Variants in BTN3A1 observed in about 807,000 individuals in gnomAD.
BTN3A1 encodes the protein dJ45P21.3 (butyrophilin, subfamily 3, member A1).
A neutral mutation model predicts 43.0 loss-of-function variants in BTN3A1; 24 were observed. The observed-to-expected ratio is 0.56, with a 90% CI of 0.40 to 0.78. The LOEUF (loss-of-function observed/expected upper bound fraction) is 0.78. Among genes scored for constraint, BTN3A1 ranks in the 30% least tolerant of loss-of-function variants. BTN3A1 has a pLI of 0.00. For missense variants in BTN3A1, 533 were observed against 626.2 expected (o/e 0.85, Z 1.59); for synonymous variants, 181 against 234.7 (o/e 0.77, Z 2.09).
In BTN3A1 at chr6:26,413,759, C is replaced by CG; in HGVS notation, c.*70dup. 4 of 1,604,674 alleles carry CG rather than the reference C, an allele frequency of 2.5e-6. No individual in the cohort carries two copies. The highest frequency in any genetic ancestry group is 3.4e-6 in the Non-Finnish European group (4 of 1,179,822). The stretch of plus-strand genomic sequence containing the variant: ...CATTCCCTAGAGACACCAGTAACCC[C>CG]GGGCTTAGCTAACGAAAGTGGGGAG... On this transcript the variant is annotated 3_prime_UTR_variant, in exon 10 of 10. Transcript: ENST00000289361.
intron 1 of BTN3A1, chr6:26,403,988 A>G (rs1442989180): frequency 1.3e-5 from 2 of 152,236 alleles, no homozygotes; most frequent in Admixed American, 6.5e-5. Flanking sequence ...TAGCAACATA[A>G]AGAGCAGTTT....
chr6:26,411,143 A>G lies in BTN3A1; in HGVS notation c.991+8A>G. On this transcript the variant is annotated splice_region_variant and intron_variant, in intron 8 of 9. Coordinates refer to ENST00000289361, the MANE Select transcript of BTN3A1 (RefSeq NM_007048.6). ...GACATTCAGCCTATAATGGTGAGTG[A>G]ACCTGATGCTCTCTGAGTTTGCTGG... 1 of 1,609,058 alleles carries G rather than the reference A, an allele frequency of 6.2e-7. No individual in the cohort carries two copies. Among genetic ancestry groups the G allele is most frequent in the Non-Finnish European group, 8.5e-7 (1 of 1,178,158 alleles).
Position 26,413,654 on chromosome 6 carries a change from A to C in BTN3A1, c.1504A>C (p.Thr502Pro). 1 of 1,613,532 alleles carries C rather than the reference A, an allele frequency of 6.2e-7. No individual in the cohort carries two copies. Residue 502 changes from threonine to proline, a missense_variant, in exon 10 of 10, where the codon ACC becomes CCC. Physicochemically the swap from Thr to Pro is conservative, Grantham distance 38. Around this residue, in one of 4 missense-constraint regions of BTN3A1, gnomAD observed 415 missense variants for 427.0 expected, o/e 0.97. Coordinates refer to ENST00000289361, the MANE Select transcript of BTN3A1 (RefSeq NM_007048.6). ...TCTATATCCTGTTTTCAGAATTTTGACCTTGGAGCCCACGGCCCTGACTAT... is the reference window on the plus strand; with the variant it reads ...TCTATATCCTGTTTTCAGAATTTTGCCCTTGGAGCCCACGGCCCTGACTAT... ...EALYPVFRILTLEPTALTICP... is the reference protein window; with the variant it reads ...EALYPVFRILPLEPTALTICP...
intron 4 of BTN3A1, among the ~76,000 whole-genome samples, 197 bp downstream of exon 4, chr6:26,408,149 A>G (rs902218990): frequency 6.6e-6 from 1 of 152,142 alleles, no homozygotes; most frequent in African/African-American, 2.4e-5. Context: ...TTTACTGAAC[A>G]TTTCCTGTCT....
rs1170183887 is a variant in BTN3A1 at position 26,411,000 on chromosome 6, TAAAAAAA to T, written c.965-92_965-86del. On this transcript the variant is annotated intron_variant, in intron 7 of 9. Transcript: ENST00000289361. Reference sequence around the variant, plus strand: ...CTGCAGAGGAGGAAGATACAGGTGGTAAAAAAAAAAAAAAAAAAAAAAAGATTAGATG... The same window carrying T: ...CTGCAGAGGAGGAAGATACAGGTGGTAAAAAAAAAAAAAAAAGATTAGATG... 5.4e-4 allele frequency: 195 copies of T among 359,442 alleles called. 1 individual carries two copies. Among genetic ancestry groups the T allele is most frequent in the South Asian group, 2.2e-3 (48 of 21,414 alleles). 22.3% of individuals were successfully genotyped at this position (359,442 alleles called of 1,614,324 possible). A position where few individuals can be genotyped will look rare whatever the true frequency, so the allele number is the denominator to read the frequency against.
chr6:26,405,458 T>G lies in BTN3A1; in HGVS notation c.-106T>G. ...AAAGATCTTCTTCGGTCACCATACT[T>G]GAGTTAGCTCTAGGGAAGTGGAGGT... On this transcript the variant is annotated 5_prime_UTR_variant, in exon 2 of 10. An upstream open reading frame in the 5' UTR loses its in-frame stop. Coordinates refer to ENST00000289361, the MANE Select transcript of BTN3A1 (RefSeq NM_007048.6). The G allele has an allele frequency of 2.8e-5, 31 of 1,104,696 alleles. No individual in the cohort carries two copies. Among genetic ancestry groups the G allele is most frequent in the East Asian group, 1.2e-4 (5 of 42,022 alleles). 68.4% of individuals were successfully genotyped at this position (1,104,696 alleles called of 1,614,324 possible). A position where few individuals can be genotyped will look rare whatever the true frequency, so the allele number is the denominator to read the frequency against.
Position 26,409,925 on chromosome 6 carries a change from A to G in BTN3A1, c.937+11A>G, listed in dbSNP as rs1762152517. 6.2e-7 allele frequency: 1 copy of G among 1,614,158 alleles called. No homozygotes were observed. Among genetic ancestry groups the G allele is most frequent in the Non-Finnish European group, 8.5e-7 (1 of 1,180,024 alleles). On this transcript the variant is annotated intron_variant, in intron 6 of 9. Transcript: ENST00000289361. ...TCCTGGAGGAACTCAGTAAGTTCCC[A>G]TTCCCCCAGAGACCCAGGCATGTCT...
intron 9 of BTN3A1, chr6:26,412,426 C>A: frequency 7.9e-7 from 1 of 1,268,712 alleles, no homozygotes; most frequent in African/African-American, 1.5e-5. Flanking sequence ...TCCCATTGGC[C>A]AAACCCAACA....
intron 9 of BTN3A1, chr6:26,412,765 A>T (rs773139244): frequency 3.9e-6 from 6 of 1,551,524 alleles, no homozygotes; most frequent in Non-Finnish European, 5.2e-6. Context: ...ATGGAAAAAT[A>T]GACTGCAGAA....
intron 1 of BTN3A1, 160 bp from the exon 2 acceptor site, chr6:26,405,212 G>A: frequency 6.3e-6 from 2 of 315,056 alleles, no homozygotes; most frequent in South Asian, 4.0e-5. Flanking sequence ...AGGGAGCCCA[G>A]TGAAGAGTGT....
intron 3 of BTN3A1, 52 bp from the exon 4 acceptor site, chr6:26,407,619 C>A: frequency 6.3e-7 from 1 of 1,575,294 alleles, no homozygotes; most frequent in Non-Finnish European, 8.7e-7. Flanking sequence ...CCTTTTGAGA[C>A]CCTCTCTGAT....
chr6:26,406,309 A>G (rs1247617854), intron 3 of BTN3A1, 53 bp downstream of exon 3: 11 of 763,534 alleles, frequency 1.4e-5, no homozygotes, highest in Non-Finnish European at 2.3e-5. Context: ...TCTAGAGCAG[A>G]TGCAGAGTCC....
chr6:26,403,110 G>T lies in BTN3A1; in HGVS notation c.-193+698G>T, dbSNP rs181040280. On this transcript the variant is annotated intron_variant, in intron 1 of 9. Coordinates refer to ENST00000289361, the MANE Select transcript of BTN3A1 (RefSeq NM_007048.6). The stretch of plus-strand genomic sequence containing the variant: ...AGATGCAGTCTTGCTCTATCACCCA[G>T]GCTGGAGTGCAGTGGCATGTTCTCG... Among the ~76,000 whole-genome samples the T allele has an allele frequency of 2.0e-3, 310 of 152,272 alleles. 1 individual carries two copies. Among genetic ancestry groups the T allele is most frequent in the African/African-American group, 7.0e-3 (291 of 41,550 alleles).
chr6:26,406,551 A>G (rs60750900), intron 3 of BTN3A1, among the ~76,000 whole-genome samples: 25,850 of 152,248 alleles, frequency 0.17, 2,286 homozygotes, highest in South Asian at 0.23. Context: ...TTCAGTGACT[A>G]GTACACAGTC....
rs1762306941 is a variant in BTN3A1, at chr6:26,413,826, CTCAGAGCTGAG to C, written c.*135_*145del. The C allele has an allele frequency of 4.5e-6, 7 of 1,567,354 alleles. No individual in the cohort carries two copies. In the Admixed American group the frequency reaches 8.7e-5, roughly 19 times the overall value. On this transcript the variant is annotated 3_prime_UTR_variant, in exon 10 of 10. Coordinates refer to ENST00000289361, the MANE Select transcript of BTN3A1 (RefSeq NM_007048.6). ...CTTTTCTCTGCTTCTCCCTGCCCAGCTCAGAGCTGAGGGCCTCCCCCTCCACAGCAACCAAT... is the reference window on the plus strand; with the variant it reads ...CTTTTCTCTGCTTCTCCCTGCCCAGCGGCCTCCCCCTCCACAGCAACCAAT...
At chr6:26,409,757 T>C in intron 5 of BTN3A1, 24 bp downstream of exon 5, 1 of 1,577,026 alleles carries the variant, frequency 6.3e-7, no homozygotes, top group South Asian at 1.2e-5. Flanking sequence ...GGAGTTTATC[T>C]GAGCCCCTGG....
rs1204681719 is a variant in BTN3A1, at chr6:26,402,677, ACAAT to A, written c.-193+267_-193+270del. Among the ~76,000 whole-genome samples the A allele has an allele frequency of 5.9e-5, 9 of 152,384 alleles. No individual in the cohort carries two copies. The East Asian group carries it at 1.7e-3, about 29-fold the overall frequency. ...ACGTATTGTAGTCAGAAAAGGGCAAACAATCTTTAAAATCTGTTCTGGACAACTC... is the reference window on the plus strand; with the variant it reads ...ACGTATTGTAGTCAGAAAAGGGCAAACTTTAAAATCTGTTCTGGACAACTC... On this transcript the variant is annotated intron_variant, in intron 1 of 9. Coordinates refer to ENST00000289361, the MANE Select transcript of BTN3A1 (RefSeq NM_007048.6).
chr6:26,407,036 G>A (rs1453674700), intron 3 of BTN3A1, among the ~76,000 whole-genome samples: 2 of 152,192 alleles, frequency 1.3e-5, no homozygotes, highest in African/African-American at 2.4e-5. Flanking sequence ...TTTGGACAAT[G>A]TTCATGTTTT....
Position 26,405,541 on chromosome 6 carries a change from G to T in BTN3A1, c.-23G>T. On this transcript the variant is annotated 5_prime_UTR_variant, in exon 2 of 10. Coordinates refer to ENST00000289361, the MANE Select transcript of BTN3A1 (RefSeq NM_007048.6). ...CATAGTGTCTGCCCCCCACCTTCCA[G>T]TATCTCCTGATATGCAGCATGAATG... is the stretch of plus-strand genomic sequence containing the variant. 1 of 1,611,836 alleles carries T rather than the reference G, an allele frequency of 6.2e-7. No individual in the cohort carries two copies. The highest frequency in any genetic ancestry group is 8.5e-7 in the Non-Finnish European group (1 of 1,177,964).
Sources: allele counts gnomAD v4.1 joint callset (sites outside exome capture counted in the v4.1 genomes callset), GRCh38; gene constraint gnomAD v4.1.1; regional missense constraint gnomAD v4.1.1; transcripts MANE v1.5; gene names NCBI Gene and HGNC (gene_info 2026-07-23, HGNC 2026-07-21).